The following RBM27 variants were observed in gnomAD, a reference collection of about 807,000 sequenced individuals.
The protein encoded by RBM27 is RNA-binding protein 27.
Under a neutral mutation model 135.3 loss-of-function variants are expected in RBM27, and 22 were observed. That is an observed-to-expected ratio of 0.16 (90% CI 0.12 to 0.23). The LOEUF is 0.23. RBM27 is among the 10% of genes least tolerant of loss of function. The pLI is 1.00. For missense variants in RBM27, 1,009 were observed against 1,281.0 expected (o/e 0.79, Z 3.24); for synonymous variants, 481 against 442.4 (o/e 1.09, Z -1.10).
chr5:146,233,215 ACT>A (rs1757011319), intron 6 of RBM27, among the ~76,000 whole-genome samples: 2 of 151,916 alleles, frequency 1.3e-5, no homozygotes, highest in African/African-American at 4.8e-5. Context: ...CCTGTTCTTG[ACT>A]CTTTTATTTG....
At chr5:146,234,893 G>A (rs1319373299) in intron 7 of RBM27, among the ~76,000 whole-genome samples, 1 of 151,816 alleles carries the variant, frequency 6.6e-6, no homozygotes, top group Non-Finnish European at 1.5e-5. Context: ...AATTAGCCAG[G>A]CATGGTGGTG....
intron 19 of RBM27, among the ~76,000 whole-genome samples, chr5:146,272,447 A>G (rs1758909542): frequency 2.0e-5 from 3 of 152,072 alleles, no homozygotes; most frequent in South Asian, 4.1e-4. Flanking sequence ...GCCAGGGACA[A>G]TGGCTCATGT....
At chr5:146,280,150 C>T (rs559698865) in intron 19 of RBM27, among the ~76,000 whole-genome samples, 32 of 152,056 alleles carry the variant, frequency 2.1e-4, no homozygotes, top group African/African-American at 7.2e-4. Flanking sequence ...CCTCCACCTC[C>T]CAGGTTCAGG....
chr5:146,230,784 T>G lies in RBM27; in HGVS notation c.717T>G (p.Thr239=). 6.2e-7 allele frequency: 1 copy of G among 1,614,128 alleles called. No homozygotes were observed. Among genetic ancestry groups the G allele is most frequent in the Non-Finnish European group, 8.5e-7 (1 of 1,179,986 alleles). Residue 239 remains threonine, a synonymous_variant, in exon 6 of 21, where the codon ACT becomes ACG. Coordinates refer to ENST00000265271, the MANE Select transcript of RBM27 (RefSeq NM_018989.2). ...CTGGGGCACAGTCTATTCCCAGCAC[T>G]GTTACTGTGATCGCACCTGCTCACC... ...YSSGAQSIPS[T]VTVIAPAHHS...
At chr5:146,228,855 T>A (rs1756800419) in intron 3 of RBM27, 91 bp from the exon 4 acceptor site, 3 of 948,614 alleles carry the variant, frequency 3.2e-6, no homozygotes, top group African/African-American at 3.3e-5. Context: ...TCAAGCAGTC[T>A]TCCCACCTGG....
intron 9 of RBM27, among the ~76,000 whole-genome samples, chr5:146,254,064 A>C (rs1018165095): frequency 3.3e-5 from 5 of 152,154 alleles, no homozygotes; most frequent in African/African-American, 1.2e-4. Flanking sequence ...TTTTCACCTC[A>C]ATTAAAAAGG....
chr5:146,258,792 G>A (rs62372769), intron 11 of RBM27, among the ~76,000 whole-genome samples, 199 bp downstream of exon 11: 31,664 of 149,024 alleles, frequency 0.21, 4,207 homozygotes, highest in Admixed American at 0.34. Flanking sequence ...TTTAAAAGAC[G>A]TAGTCATCCA....
chr5:146,215,381 A>G (rs1756144932), intron 1 of RBM27, among the ~76,000 whole-genome samples: 1 of 152,192 alleles, frequency 6.6e-6, no homozygotes, highest in South Asian at 2.1e-4. Context: ...CATTTCAGTT[A>G]TCCAATATCT....
At chr5:146,222,992 A>T (rs1488779857) in intron 2 of RBM27, among the ~76,000 whole-genome samples, 1 of 152,014 alleles carries the variant, frequency 6.6e-6, no homozygotes, top group African/African-American at 2.4e-5. Flanking sequence ...GTCAGTTTTT[A>T]TTTTTTTCAG....
At chr5:146,265,716 T>C (rs1758585797) in intron 14 of RBM27, among the ~76,000 whole-genome samples, 1 of 152,214 alleles carries the variant, frequency 6.6e-6, no homozygotes. Context: ...GAAAGCTCTT[T>C]CTAATCATAT....
At chr5:146,239,186 C>A (rs561991332) in intron 8 of RBM27, among the ~76,000 whole-genome samples, 1 of 152,146 alleles carries the variant, frequency 6.6e-6, no homozygotes, top group Non-Finnish European at 1.5e-5. Context: ...TCTGGTTAAT[C>A]AAAAATTCTT....
chr5:146,230,632 T>G (rs1332098610), intron 5 of RBM27, 25 bp from the exon 6 acceptor site: 1 of 1,516,822 alleles, frequency 6.6e-7, no homozygotes, highest in South Asian at 1.2e-5. Flanking sequence ...CTTTGTTTTC[T>G]GTTTTTAATT....
chr5:146,212,302 C>T (rs1755997505), intron 1 of RBM27, among the ~76,000 whole-genome samples: 1 of 151,884 alleles, frequency 6.6e-6, no homozygotes, highest in Non-Finnish European at 1.5e-5. Flanking sequence ...GATCCACCCG[C>T]CTTGGCCTCC....
chr5:146,237,518 A>G, intron 8 of RBM27, 86 bp downstream of exon 8: 1 of 1,410,654 alleles, frequency 7.1e-7, no homozygotes, highest in East Asian at 2.3e-5. Context: ...AAAAAATGGT[A>G]AATAGTTTCT....
intron 19 of RBM27, among the ~76,000 whole-genome samples, chr5:146,277,970 G>A (rs1759164628): frequency 6.6e-6 from 1 of 152,098 alleles, no homozygotes; most frequent in South Asian, 2.1e-4. Context: ...GTCTCCAATT[G>A]AGAACCACTG....
chr5:146,251,607 T>C (rs1757887643), intron 8 of RBM27, 104 bp from the exon 9 acceptor site: 8 of 1,140,112 alleles, frequency 7.0e-6, no homozygotes, highest in Non-Finnish European at 7.6e-6. Context: ...TTCCTGTTGG[T>C]TTAATTTCTC....
chr5:146,273,352 C>T (rs919974850), intron 19 of RBM27, among the ~76,000 whole-genome samples: 3 of 152,080 alleles, frequency 2.0e-5, no homozygotes, highest in African/African-American at 7.2e-5. Flanking sequence ...TAAAAATAAC[C>T]AATTTTTATG....
At chr5:146,232,290 C>T (rs953481739) in intron 6 of RBM27, among the ~76,000 whole-genome samples, 1 of 152,138 alleles carries the variant, frequency 6.6e-6, no homozygotes, top group Non-Finnish European at 1.5e-5. Flanking sequence ...AATTATAATT[C>T]AAGAATTACC....
intron 14 of RBM27, among the ~76,000 whole-genome samples, chr5:146,264,092 C>T (rs1758510976): frequency 6.7e-6 from 1 of 148,262 alleles, no homozygotes; most frequent in Non-Finnish European, 1.5e-5. Context: ...GGTGACAGAG[C>T]AAGACCCTGT....
Sources: gnomAD v4.1 joint callset for allele counts (sites outside exome capture counted in the v4.1 genomes callset) on GRCh38, gnomAD v4.1.1 for gene constraint, MANE v1.5 for transcripts, NCBI Gene and HGNC (gene_info 2026-07-23, HGNC 2026-07-21) for gene names.